The following HS3ST4 variants were observed in gnomAD, a reference collection of about 807,000 sequenced individuals.
The protein encoded by HS3ST4 is heparan sulfate-glucosamine 3-sulfotransferase 4.
Under a neutral mutation model 29.2 loss-of-function variants are expected in HS3ST4, and 17 were observed. The ratio of observed to expected loss-of-function variants is 0.58; its 90% confidence interval spans 0.40 to 0.87. The LOEUF is 0.87. Among genes scored for constraint, HS3ST4 ranks in the 40% least tolerant of loss-of-function variants. HS3ST4 has a pLI of 0.00. For missense variants in HS3ST4, 627 were observed against 634.5 expected, an observed-to-expected ratio of 0.99 and a Z score of 0.13; for synonymous variants, 314 against 285.7, an observed-to-expected ratio of 1.10 and a Z score of -1.00.
rs1285309025 is a variant in HS3ST4 at position 25,692,542 on chromosome 16, C to A, written c.125C>A (p.Ser42Tyr). The A allele has an allele frequency of 6.9e-7, 1 of 1,452,990 alleles. No homozygotes were observed. Among genetic ancestry groups the A allele is most frequent in the Non-Finnish European group, 9.1e-7 (1 of 1,093,354 alleles). The allele number at this position is 1,452,990 out of a possible 1,614,324, so 90.0% of individuals were successfully genotyped here. A position where few individuals can be genotyped will look rare whatever the true frequency, so the allele number is the denominator to read the frequency against. ...ARKLLFMCTLSLSVTYLCYSL... is the reference protein window; with the variant it reads ...ARKLLFMCTLYLSVTYLCYSL... ...AAGCTGCTTTTTATGTGCACCTTGT[C>A]CCTGTCTGTCACCTACCTGTGCTAC... The change falls in exon 1 of 2, where the codon TCC (serine) becomes TAC (tyrosine). Residue 42 changes from serine to tyrosine, a missense_variant. By Grantham distance (144) the Ser-to-Tyr change is moderately radical (BLOSUM62 -2). This residue lies in a region of HS3ST4 where 402 missense variants were observed against 340.8 expected (regional missense o/e 1.18). Coordinates refer to ENST00000331351, the MANE Select transcript of HS3ST4 (RefSeq NM_006040.3).
rs759216265 is a variant in HS3ST4 at position 25,824,215 on chromosome 16, C to CTGTCTATCCAGTT, written c.734+131064_734+131065insTGTCTATCCAGTT. Among the ~76,000 whole-genome samples the CTGTCTATCCAGTT allele has an allele frequency of 2.5e-3, 380 of 152,296 alleles. 1 individual carries two copies. The highest frequency in any genetic ancestry group is 6.8e-3 in the Middle Eastern group (2 of 294). On this transcript the variant is annotated intron_variant, in intron 1 of 1. Transcript: ENST00000331351. ...GCCTGGCTCAGACAGACTCAGGATACCTCCAGGGAGAACCAAGACCTGGCC... is the reference window on the plus strand; with the variant it reads ...GCCTGGCTCAGACAGACTCAGGATACTGTCTATCCAGTTCTCCAGGGAGAACCAAGACCTGGCC...
At chr16:25,997,729 G>T (rs554952934) in intron 1 of HS3ST4, among the ~76,000 whole-genome samples, 1 of 152,258 alleles carries the variant, frequency 6.6e-6, no homozygotes, top group Admixed American at 6.5e-5. Context: ...TTTCCCAGGA[G>T]GATTAAAGAC....
intron 1 of HS3ST4, among the ~76,000 whole-genome samples, chr16:26,053,344 C>A (rs532150220): frequency 3.3e-5 from 5 of 152,314 alleles, no homozygotes; most frequent in Admixed American, 3.3e-4. Context: ...TTAATACTTG[C>A]TGCAATTATT....
chr16:26,063,998 T>C (rs1898512240), intron 1 of HS3ST4, among the ~76,000 whole-genome samples: 2 of 152,154 alleles, frequency 1.3e-5, no homozygotes, highest in Non-Finnish European at 2.9e-5. Flanking sequence ...CTGGAGGAAA[T>C]GGCCTTAAAT....
intron 1 of HS3ST4, among the ~76,000 whole-genome samples, chr16:26,060,665 C>T (rs1898464652): frequency 6.6e-6 from 1 of 152,150 alleles, no homozygotes; most frequent in Non-Finnish European, 1.5e-5. Flanking sequence ...CATCTGAAAT[C>T]TGGTATAAAA....
intron 1 of HS3ST4, among the ~76,000 whole-genome samples, chr16:26,079,336 T>C (rs1021169818): frequency 3.3e-5 from 5 of 152,162 alleles, no homozygotes; most frequent in Non-Finnish European, 7.3e-5. Context: ...CCTTTGAAAA[T>C]GAAGAGCTCA....
intron 1 of HS3ST4, among the ~76,000 whole-genome samples, chr16:25,797,767 A>T (rs1966895616): frequency 1.3e-5 from 2 of 152,182 alleles, no homozygotes; most frequent in Non-Finnish European, 2.9e-5. Context: ...GCAATGGATA[A>T]CAGTTAGAAT....
intron 1 of HS3ST4, among the ~76,000 whole-genome samples, chr16:25,880,836 A>G (rs554890878): frequency 6.6e-6 from 1 of 152,374 alleles, no homozygotes; most frequent in Admixed American, 6.5e-5. Context: ...TTTTAAATAA[A>G]GAGTATGACT....
intron 1 of HS3ST4, among the ~76,000 whole-genome samples, chr16:26,110,897 A>G (rs1031270041): frequency 6.6e-6 from 1 of 152,028 alleles, no homozygotes; most frequent in Non-Finnish European, 1.5e-5. Context: ...CTCCTATCTC[A>G]GAATCTTTTC....
chr16:25,944,114 T>C (rs944776554), intron 1 of HS3ST4, among the ~76,000 whole-genome samples: 2 of 152,256 alleles, frequency 1.3e-5, no homozygotes, highest in South Asian at 2.1e-4. Flanking sequence ...AGCCTCTTTT[T>C]CCACATTTGT....
chr16:26,063,044 T>C (rs546664453), intron 1 of HS3ST4: 206 of 165,468 alleles, frequency 1.2e-3, no homozygotes, highest in African/African-American at 4.7e-3. Context: ...TTTCAACTGC[T>C]TTCCTTTTAA....
chr16:26,123,801 T>A (rs4380060), intron 1 of HS3ST4, among the ~76,000 whole-genome samples: 103,121 of 152,188 alleles, frequency 0.68, 36,617 homozygotes, highest in African/African-American at 0.91. Context: ...TCCACTTAGA[T>A]TAATGACTTC....
chr16:26,080,188 C>CTCCT (rs890861993), intron 1 of HS3ST4, among the ~76,000 whole-genome samples: 33 of 152,122 alleles, frequency 2.2e-4, no homozygotes, highest in African/African-American at 7.5e-4. Context: ...GATTAGCTAG[C>CTCCT]TCCTTCCTTC....
At chr16:25,779,363 G>A (rs1371398336) in intron 1 of HS3ST4, among the ~76,000 whole-genome samples, 2 of 152,200 alleles carry the variant, frequency 1.3e-5, no homozygotes, top group African/African-American at 4.8e-5. Context: ...GAGGTCAAGT[G>A]GCTTGGCCAA....
chr16:25,979,361 T>A (rs1567286205), intron 1 of HS3ST4, among the ~76,000 whole-genome samples: 1 of 152,192 alleles, frequency 6.6e-6, no homozygotes, highest in Non-Finnish European at 1.5e-5. Flanking sequence ...GGTGAGTGGC[T>A]GGTGAGCAAG....
chr16:25,934,927 C>G (rs1968504208), intron 1 of HS3ST4, among the ~76,000 whole-genome samples: 1 of 152,170 alleles, frequency 6.6e-6, no homozygotes, highest in Non-Finnish European at 1.5e-5. Context: ...CAAATCTCAT[C>G]TTGAATTGTA....
intron 1 of HS3ST4, among the ~76,000 whole-genome samples, chr16:26,102,904 T>C (rs1021042093): frequency 3.3e-5 from 5 of 152,226 alleles, no homozygotes; most frequent in African/African-American, 7.2e-5. Context: ...CCCAAGCTGG[T>C]AACTGCTCTG....
At chr16:25,968,448 A>G (rs879234257) in intron 1 of HS3ST4, among the ~76,000 whole-genome samples, 2 of 152,072 alleles carry the variant, frequency 1.3e-5, no homozygotes, top group African/African-American at 4.8e-5. Flanking sequence ...GTGCACTCCA[A>G]TTTGCTGCCC....
intron 1 of HS3ST4, among the ~76,000 whole-genome samples, chr16:25,970,060 G>A (rs11862200): frequency 0.037 from 5,637 of 152,314 alleles, 377 homozygotes; most frequent in African/African-American, 0.13. Flanking sequence ...AGTACTGTTA[G>A]TGTCAGCAGT....
Sources: gnomAD v4.1 joint callset for allele counts (sites outside exome capture counted in the v4.1 genomes callset) on GRCh38, gnomAD v4.1.1 for gene constraint, gnomAD v4.1.1 regional missense constraint, MANE v1.5 for transcripts, NCBI Gene and HGNC (gene_info 2026-07-23, HGNC 2026-07-21) for gene names.